CCL28: variants seen among roughly 807,000 people sequenced by gnomAD.
CCL28 encodes C-C motif chemokine ligand 28, also known as C-C motif chemokine 28.
In CCL28, 4 loss-of-function variants were observed where a neutral mutation model predicts 7.1. That is an observed-to-expected ratio of 0.56 (90% confidence interval 0.28 to 1.29). The LOEUF (loss-of-function observed/expected upper bound fraction) is 1.29. CCL28 is among the 50% of genes most tolerant of loss of function. CCL28 has a pLI of 0.11. For missense variants in CCL28, 151 were observed against 163.4 expected, an observed-to-expected ratio of 0.92 and a Z score of 0.41; for synonymous variants, 55 against 57.8, an observed-to-expected ratio of 0.95 and a Z score of 0.22.
chr5:43,357,241 C>T, the CCL28 span, among the ~76,000 whole-genome samples: 1 of 152,152 alleles, frequency 6.6e-6, no homozygotes. Flanking sequence ...GCTAACATGC[C>T]AAAGTTAGTC....
intron 1 of CCL28, among the ~76,000 whole-genome samples, chr5:43,400,354 G>T (rs1055693648): frequency 6.6e-6 from 1 of 152,044 alleles, no homozygotes; most frequent in African/African-American, 2.4e-5. Context: ...TAGATTCTGG[G>T]TTTTGTTATT....
At chr5:43,364,887 T>C in the CCL28 span, among the ~76,000 whole-genome samples, 4 of 152,178 alleles carry the variant, frequency 2.6e-5, no homozygotes, top group African/African-American at 9.7e-5. Context: ...ACCCCTGCTT[T>C]TTTTGTTGTT....
At position 43,380,983 on chromosome 5, in the gene CCL28, A is replaced by T. The variant is rs980009176; in HGVS notation, c.*877T>A. On this transcript the variant is annotated 3_prime_UTR_variant, in exon 3 of 3. Coordinates refer to ENST00000361115, the MANE Select transcript of CCL28 (RefSeq NM_148672.3). ...ATAGTTGGGAAAATTTGAATATGGAATATATTAGATGAAATTATTAATTTT... is the reference window on the plus strand; with the variant it reads ...ATAGTTGGGAAAATTTGAATATGGATTATATTAGATGAAATTATTAATTTT... 6.6e-6 allele frequency: 1 copy of T among 152,144 alleles called. No homozygotes were observed. The highest frequency in any genetic ancestry group is 1.5e-5 in the Non-Finnish European group (1 of 68,014). 9.4% of individuals were successfully genotyped at this position (152,144 alleles called of 1,614,324 possible).
intron 1 of CCL28, among the ~76,000 whole-genome samples, chr5:43,396,855 G>A (rs895912526): frequency 1.3e-5 from 2 of 152,218 alleles, no homozygotes; most frequent in Admixed American, 1.3e-4. Context: ...GGCTGCCGTG[G>A]ACCAGGAGAG....
the CCL28 span, among the ~76,000 whole-genome samples, chr5:43,366,356 C>T: frequency 5.8e-4 from 88 of 152,240 alleles, no homozygotes; most frequent in Middle Eastern, 3.4e-3. Context: ...TCTGTGTGGA[C>T]GTCCTTTTTG....
In CCL28 at chr5:43,392,410, C is replaced by A. The variant is rs139709780; in HGVS notation, c.65-3934G>T. Among the ~76,000 whole-genome samples the A allele has an allele frequency of 4.9e-3, 753 of 152,292 alleles. 11 individuals carry two copies. The highest frequency in any genetic ancestry group is 0.016 in the African/African-American group (650 of 41,556). ...GAGATTACAGGTGTGAGCCACCATG[C>A]TGGGCCAATATTTGCATATCTAATA... On this transcript the variant is annotated intron_variant, in intron 1 of 2. Coordinates refer to ENST00000361115, the MANE Select transcript of CCL28 (RefSeq NM_148672.3).
chr5:43,363,942 A>G, the CCL28 span, among the ~76,000 whole-genome samples: 76,832 of 151,968 alleles, frequency 0.51, 19,976 homozygotes, highest in Middle Eastern at 0.62. Flanking sequence ...AGACTAGTGA[A>G]TCATCATCCC....
intron 1 of CCL28, among the ~76,000 whole-genome samples, chr5:43,408,405 C>T (rs755496655): frequency 1.6e-4 from 24 of 152,140 alleles, no homozygotes; most frequent in Non-Finnish European, 2.6e-4. Context: ...AACCAAACAC[C>T]GCATGTTCTC....
chr5:43,403,689 GC>G (rs1268811162), intron 1 of CCL28, among the ~76,000 whole-genome samples: 3 of 152,176 alleles, frequency 2.0e-5, no homozygotes, highest in Non-Finnish European at 4.4e-5. Context: ...AGAGAAGAAG[GC>G]TTCAGATGAT....
downstream of CCL28, among the ~76,000 whole-genome samples, chr5:43,375,458 TAAAAAA>T (rs56289620): frequency 2.5e-3 from 83 of 32,742 alleles, 1 homozygote; most frequent in South Asian, 8.3e-3. Context: ...GACAGAAAGC[TAAAAAA>T]AAAAAAAAAA....
At position 43,401,778 on chromosome 5, in the gene CCL28, C is replaced by T. The variant is rs933395159; in HGVS notation, c.64+10475G>A. ...TGTGCCACTTGTTTATTTATTTTCC[C>T]TCAGTTTCAAACTCACCCTTAATTT... is the stretch of plus-strand genomic sequence containing the variant. On this transcript the variant is annotated intron_variant, in intron 1 of 2. Transcript: ENST00000361115. 1.6e-4 allele frequency among the ~76,000 whole-genome samples: 24 copies of T among 152,172 alleles called. 1 individual carries two copies. Among genetic ancestry groups the T allele is most frequent in the African/African-American group, 5.3e-4 (22 of 41,448 alleles).
intron 1 of CCL28, 24 bp downstream of exon 1, chr5:43,412,229 T>C (rs1195281972): frequency 6.2e-7 from 1 of 1,600,084 alleles, no homozygotes; most frequent in Non-Finnish European, 8.5e-7. Flanking sequence ...AGTGAAGGCC[T>C]AAGTGTCCAG....
At chr5:43,361,296 C>G in the CCL28 span, among the ~76,000 whole-genome samples, 1 of 152,166 alleles carries the variant, frequency 6.6e-6, no homozygotes, top group Non-Finnish European at 1.5e-5. Context: ...ATGTATGTAT[C>G]TTTATAATAG....
intron 1 of CCL28, among the ~76,000 whole-genome samples, chr5:43,403,704 A>T (rs1227738795): frequency 6.6e-6 from 1 of 152,160 alleles, no homozygotes; most frequent in Admixed American, 6.5e-5. Flanking sequence ...AGATGATCAA[A>T]CTACTCCGAG....
chr5:43,372,285 A>G (rs898037294), downstream of CCL28, among the ~76,000 whole-genome samples: 1 of 152,230 alleles, frequency 6.6e-6, no homozygotes, highest in Non-Finnish European at 1.5e-5. Context: ...TGTGAGATAC[A>G]TCTGTATTAT....
chr5:43,384,244 G>C (rs1339999712), intron 2 of CCL28, among the ~76,000 whole-genome samples: 1 of 152,170 alleles, frequency 6.6e-6, no homozygotes, highest in Non-Finnish European at 1.5e-5. Flanking sequence ...CCAGATGGAA[G>C]AGATATAGAC....
At position 43,391,789 on chromosome 5, in the gene CCL28, C is replaced by A. The variant is rs539603142; in HGVS notation, c.65-3313G>T. On this transcript the variant is annotated intron_variant, in intron 1 of 2. Transcript: ENST00000361115. ...TTAATTTAAATAATCTACACAGCAA[C>A]TATATGCAGAAGAAAGTATATTAAT... is the stretch of plus-strand genomic sequence containing the variant. 2.6e-5 allele frequency among the ~76,000 whole-genome samples: 4 copies of A among 152,272 alleles called. No individual in the cohort carries two copies. The South Asian group carries it at 8.3e-4, about 32-fold the overall frequency.
chr5:43,377,665 G>A (rs547294807), downstream of CCL28, among the ~76,000 whole-genome samples: 1 of 134,580 alleles, frequency 7.4e-6, no homozygotes, highest in African/African-American at 2.8e-5. Context: ...GCAAAGAAAT[G>A]ATACTTTAAG....
chr5:43,395,009 G>A (rs1308071028), intron 1 of CCL28, among the ~76,000 whole-genome samples: 1 of 150,744 alleles, frequency 6.6e-6, no homozygotes, highest in Non-Finnish European at 1.5e-5. Flanking sequence ...CCATGTTTTG[G>A]GTATTAAGGG....
Sources: gnomAD v4.1 joint callset for allele counts (sites outside exome capture counted in the v4.1 genomes callset) on GRCh38, gnomAD v4.1.1 for gene constraint, MANE v1.5 for transcripts, NCBI Gene and HGNC (gene_info 2026-07-23, HGNC 2026-07-21) for gene names.